CDC42BPB: variants seen among roughly 807,000 people sequenced by gnomAD.
CDC42BPB encodes serine/threonine-protein kinase MRCK beta.
CDC42BPB carries 37 observed loss-of-function variants against 214.9 expected under a neutral mutation model. The observed-to-expected ratio is 0.17, with a 90% CI of 0.13 to 0.23. The LOEUF (loss-of-function observed/expected upper bound fraction) is 0.23. Among genes scored for constraint, CDC42BPB ranks in the 10% least tolerant of loss-of-function variants. The pLI is 1.00. For missense variants in CDC42BPB, 1,694 were observed against 2,227.0 expected, an observed-to-expected ratio of 0.76 and a Z score of 4.82; for synonymous variants, 931 against 884.0, an observed-to-expected ratio of 1.05 and a Z score of -0.94.
rs776302347 is a variant in CDC42BPB at position 102,966,305 on chromosome 14, A to G, written c.2554T>C (p.Ser852Pro). Residue 852 changes from serine to proline, a missense_variant, in exon 18 of 37, where the codon TCT becomes CCT. Coordinates refer to ENST00000361246, the MANE Select transcript of CDC42BPB (RefSeq NM_006035.4). ...ACCAGTGTTCTTGACCCCAGACTAG[A>G]ACTCCTCAAAGCCTCGAGCTCTTCG... The part of the protein sequence containing the change: ...MTEELEALRS[S>P]SLGSRTLDPL... 2.5e-6 allele frequency: 4 copies of G among 1,613,866 alleles called. No homozygotes were observed. In the South Asian group the frequency reaches 4.4e-5, roughly 18 times the overall value.
chr14:102,994,367 TTGA>T (rs1474408112), intron 5 of CDC42BPB, among the ~76,000 whole-genome samples: 4 of 141,490 alleles, frequency 2.8e-5, no homozygotes, highest in Non-Finnish European at 6.5e-5. Flanking sequence ...GTGGTGGTGG[TTGA>T]TTTTTTTTTT....
chr14:102,952,645 T>TCTTGA, intron 23 of CDC42BPB, 42 bp from the exon 24 acceptor site: 1 of 1,591,944 alleles, frequency 6.3e-7, no homozygotes, highest in Non-Finnish European at 8.6e-7. Flanking sequence ...AACCATGGAC[T>TCTTGA]CTTGAGAGTC....
chr14:102,949,655 C>A, intron 26 of CDC42BPB, 110 bp downstream of exon 26: 1 of 1,372,422 alleles, frequency 7.3e-7, no homozygotes, highest in Admixed American at 2.0e-5. Context: ...AATAATGAAG[C>A]AGGTGAAGTA....
chr14:102,952,409 A>G, intron 24 of CDC42BPB, 89 bp downstream of exon 24: 1 of 792,046 alleles, frequency 1.3e-6, no homozygotes, highest in South Asian at 1.5e-5. Flanking sequence ...GTTTGCTTGC[A>G]TCAGGGCTGC....
rs568755797 is a variant in CDC42BPB at position 102,951,093 on chromosome 14, A to T, written c.3173-491T>A. On this transcript the variant is annotated intron_variant, in intron 24 of 36. Coordinates refer to ENST00000361246, the MANE Select transcript of CDC42BPB (RefSeq NM_006035.4). ...CAAAAGCTCAGGGTTTCTGGCATGA[A>T]TGCGTCTTCAGCATGCGCACAGGGA... is the stretch of plus-strand genomic sequence containing the variant. Among the ~76,000 whole-genome samples the T allele has an allele frequency of 6.0e-4, 91 of 152,360 alleles. 1 individual carries two copies. Among genetic ancestry groups the T allele is most frequent in the African/African-American group, 2.0e-3 (83 of 41,588 alleles).
intron 35 of CDC42BPB, 56 bp from the exon 36 acceptor site, chr14:102,938,230 G>A: frequency 6.2e-7 from 1 of 1,604,248 alleles, no homozygotes; most frequent in South Asian, 1.1e-5. Flanking sequence ...GGAATCAAAT[G>A]CCTGGGGTCT....
In CDC42BPB at chr14:102,999,892, A is replaced by C. The variant is rs559227773; in HGVS notation, c.448-179T>G. 49 of 985,396 alleles carry C rather than the reference A, an allele frequency of 5.0e-5. No individual in the cohort carries two copies. In the East Asian group the frequency reaches 1.0e-3, roughly 21 times the overall value. The allele number at this position is 985,396 out of a possible 1,614,324, so 61.0% of individuals were successfully genotyped here. ...GAACATGCGCCCCGATGCGTCCACG[A>C]CGCCGCCATCTTCAGGGGTGCATAT... On this transcript the variant is annotated intron_variant, in intron 4 of 36. Transcript: ENST00000361246.
chr14:103,053,573 A>G (rs971688669), intron 1 of CDC42BPB, among the ~76,000 whole-genome samples: 1 of 151,558 alleles, frequency 6.6e-6, no homozygotes, highest in Admixed American at 6.6e-5. Flanking sequence ...CATCCTGGCT[A>G]ACACGGTGAA....
At chr14:103,029,901 C>T (rs192189122) in intron 1 of CDC42BPB, among the ~76,000 whole-genome samples, 4 of 151,120 alleles carry the variant, frequency 2.6e-5, no homozygotes, top group South Asian at 4.2e-4. Context: ...TAGATTGGAG[C>T]CCTCAGTGGC....
At chr14:102,936,993 G>T (rs967690806) in intron 36 of CDC42BPB, 6 of 152,316 alleles carry the variant, frequency 3.9e-5, no homozygotes, top group African/African-American at 1.4e-4. Flanking sequence ...GGGCAACAAA[G>T]TGAGACCCTG....
rs1889036170 is a variant in CDC42BPB at position 103,057,198 on chromosome 14, G to GCGCCGGCCTCTCAC, written c.-39_-26dup. On this transcript the variant is annotated 5_prime_UTR_variant, in exon 1 of 37. Coordinates refer to ENST00000361246, the MANE Select transcript of CDC42BPB (RefSeq NM_006035.4). ...TGGTGCCGCGCGGCCCGCTCCCGAC[G>GCGCCGGCCTCTCAC]CGCCGGCCTCTCACCGCCGGCTCGG... The GCGCCGGCCTCTCAC allele has an allele frequency of 7.4e-7, 1 of 1,354,246 alleles. No homozygotes were observed. The highest frequency in any genetic ancestry group is 9.5e-7 in the Non-Finnish European group (1 of 1,047,394). The allele number at this position is 1,354,246 out of a possible 1,614,324, so 83.9% of individuals were successfully genotyped here. A position where few individuals can be genotyped will look rare whatever the true frequency, so the allele number is the denominator to read the frequency against.
chr14:103,006,416 AC>A, intron 3 of CDC42BPB, among the ~76,000 whole-genome samples: 1 of 152,288 alleles, frequency 6.6e-6, no homozygotes, highest in African/African-American at 2.4e-5. Context: ...TTTAGGAAAA[AC>A]CCATTCTTAA....
intron 1 of CDC42BPB, among the ~76,000 whole-genome samples, chr14:103,031,245 C>T (rs371286536): frequency 6.6e-6 from 1 of 151,960 alleles, no homozygotes; most frequent in Non-Finnish European, 1.5e-5. Context: ...CCCACGTAAA[C>T]GCAGTAATAA....
chr14:103,012,930 A>G (rs1175578730), intron 1 of CDC42BPB, among the ~76,000 whole-genome samples: 1 of 152,272 alleles, frequency 6.6e-6, no homozygotes. Context: ...CACATGGCCT[A>G]GGTGTGGAGT....
At chr14:102,991,473 C>A (rs765610677) in intron 5 of CDC42BPB, among the ~76,000 whole-genome samples, 1 of 152,212 alleles carries the variant, frequency 6.6e-6, no homozygotes, top group African/African-American at 2.4e-5. Context: ...TGATCCTGGA[C>A]TGGATTCTGT....
chr14:103,050,920 T>C (rs1003335680), intron 1 of CDC42BPB, among the ~76,000 whole-genome samples: 1 of 152,208 alleles, frequency 6.6e-6, no homozygotes, highest in African/African-American at 2.4e-5. Context: ...AATGAAATTA[T>C]ATCATTCCAT....
intron 5 of CDC42BPB, among the ~76,000 whole-genome samples, chr14:102,989,875 A>C (rs1030059019): frequency 1.3e-5 from 2 of 151,900 alleles, no homozygotes; most frequent in Non-Finnish European, 2.9e-5. Flanking sequence ...AAAAAAGAAA[A>C]AAAAAAGAAT....
chr14:102,969,485 C>T (rs529977466), intron 14 of CDC42BPB, among the ~76,000 whole-genome samples: 6 of 152,192 alleles, frequency 3.9e-5, no homozygotes, highest in East Asian at 1.9e-4. Context: ...CACCACATGC[C>T]GAGGTCCAGC....
At chr14:103,037,031 C>T (rs570833896) in intron 1 of CDC42BPB, among the ~76,000 whole-genome samples, 137 of 152,178 alleles carry the variant, frequency 9.0e-4, no homozygotes, top group Middle Eastern at 3.4e-3. Context: ...GCTGCCCAGG[C>T]TGGACTCAGG....
Sources: gnomAD v4.1 joint callset for allele counts (sites outside exome capture counted in the v4.1 genomes callset) on GRCh38, gnomAD v4.1.1 for gene constraint, MANE v1.5 for transcripts, NCBI Gene and HGNC (gene_info 2026-07-23, HGNC 2026-07-21) for gene names.